The following ZNF215 variants were observed in gnomAD, a reference collection of about 807,000 sequenced individuals.
The protein encoded by ZNF215 is zinc finger protein 215.
Under a neutral mutation model 27.2 loss-of-function variants are expected in ZNF215, and 24 were observed. That is an observed-to-expected ratio of 0.88 (90% CI 0.64 to 1.24). The LOEUF (loss-of-function observed/expected upper bound fraction) is 1.24. Ranked by LOEUF, ZNF215 falls within the 50% of genes most tolerant of loss-of-function variation. The pLI is 0.00. For missense variants in ZNF215, 675 were observed against 605.7 expected (o/e 1.11, Z -1.20); for synonymous variants, 210 against 204.0 (o/e 1.03, Z -0.25).
chr11:6,943,644 A>G lies in ZNF215; in HGVS notation c.712+3A>G. Reference sequence around the variant, plus strand: ...AATACCAAGGAAGACTATTTTTGGTAAGAACCAGGTAGATATGAGGCCATA... The same window carrying G: ...AATACCAAGGAAGACTATTTTTGGTGAGAACCAGGTAGATATGAGGCCATA... On this transcript the variant is annotated splice_donor_region_variant and intron_variant, in intron 6 of 6. Transcript: ENST00000278319. 1 of 1,606,934 alleles carries G rather than the reference A, an allele frequency of 6.2e-7. No individual in the cohort carries two copies. The highest frequency in any genetic ancestry group is 8.5e-7 in the Non-Finnish European group (1 of 1,173,582).
intron 6 of ZNF215, among the ~76,000 whole-genome samples, chr11:6,950,207 G>A (rs796710928): frequency 0.054 from 6,341 of 116,598 alleles, 311 homozygotes; most frequent in Middle Eastern, 0.077. Context: ...GATTGACTTG[G>A]CGATGGGGCT....
intron 5 of ZNF215, among the ~76,000 whole-genome samples, chr11:6,974,107 A>G (rs924252990): frequency 2.0e-5 from 3 of 152,108 alleles, no homozygotes; most frequent in African/African-American, 7.2e-5. Flanking sequence ...TCAGCTTTCT[A>G]CATATGGCTA....
chr11:6,972,209 AG>A (rs1327161814), intron 5 of ZNF215, among the ~76,000 whole-genome samples: 1 of 152,128 alleles, frequency 6.6e-6, no homozygotes, highest in African/African-American at 2.4e-5. Context: ...AGAATGAGAT[AG>A]TAAATATTTT....
intron 5 of ZNF215, among the ~76,000 whole-genome samples, chr11:6,980,499 AAACT>A (rs1850925190): frequency 6.6e-6 from 1 of 152,128 alleles, no homozygotes; most frequent in South Asian, 2.1e-4. Context: ...ACAGTTTAAT[AAACT>A]AAGTGTACAA....
chr11:6,958,467 C>T (rs962339753), downstream of ZNF215, among the ~76,000 whole-genome samples: 4 of 152,154 alleles, frequency 2.6e-5, no homozygotes, highest in African/African-American at 9.7e-5. Flanking sequence ...AACATAGTTT[C>T]AAATAATAAT....
At chr11:6,955,616 T>G in intron 6 of ZNF215, 74 bp from the exon 7 acceptor site, 1 of 1,500,030 alleles carries the variant, frequency 6.7e-7, no homozygotes, top group Non-Finnish European at 8.9e-7. Flanking sequence ...TGCATATACC[T>G]TATACAGTTC....
intron 5 of ZNF215, among the ~76,000 whole-genome samples, chr11:6,979,874 T>C (rs1850911914): frequency 6.6e-6 from 1 of 152,112 alleles, no homozygotes; most frequent in South Asian, 2.1e-4. Context: ...GTGACAGCTA[T>C]AAACGTGATA....
chr11:6,952,022 GT>G (rs1455907912), intron 6 of ZNF215, among the ~76,000 whole-genome samples: 8 of 152,166 alleles, frequency 5.3e-5, no homozygotes, highest in Non-Finnish European at 1.5e-5. Context: ...AGGTTGTTTA[GT>G]TTCCATGTAG....
downstream of ZNF215, among the ~76,000 whole-genome samples, chr11:6,985,299 C>G (rs1311032317): frequency 1.3e-5 from 2 of 151,954 alleles, no homozygotes; most frequent in Non-Finnish European, 2.9e-5. Flanking sequence ...AGGAAAAAAA[C>G]TAATCTCAAT....
rs1382335568 is a variant in ZNF215 at position 6,952,758 on chromosome 11, T to G, written c.713-2932T>G. On this transcript the variant is annotated intron_variant, in intron 6 of 6. Coordinates refer to ENST00000278319, the MANE Select transcript of ZNF215 (RefSeq NM_013250.4). ...CATGTAAAGTTAATATTGTTATGTGTGAGTTTGATCCTATCATTATGATGT... is the reference window on the plus strand; with the variant it reads ...CATGTAAAGTTAATATTGTTATGTGGGAGTTTGATCCTATCATTATGATGT... Among the ~76,000 whole-genome samples the G allele has an allele frequency of 2.0e-5, 3 of 152,284 alleles. No individual in the cohort carries two copies. The South Asian group carries it at 6.2e-4, about 32-fold the overall frequency.
intron 4 of ZNF215, 81 bp from the exon 5 acceptor site, chr11:6,943,002 C>T (rs1849681607): frequency 3.9e-6 from 6 of 1,547,316 alleles, no homozygotes; most frequent in Non-Finnish European, 5.2e-6. Flanking sequence ...TGGCTCCTAC[C>T]CTATTCCTTC....
chr11:6,954,203 G>A (rs1850218557), intron 6 of ZNF215, among the ~76,000 whole-genome samples: 1 of 12,910 alleles, frequency 7.7e-5, no homozygotes, highest in African/African-American at 1.8e-4. Flanking sequence ...CCCACTTGAG[G>A]AGGCAGTCTG....
chr11:6,934,024 C>T (rs1470805000), intron 3 of ZNF215, among the ~76,000 whole-genome samples: 1 of 152,042 alleles, frequency 6.6e-6, no homozygotes, highest in East Asian at 1.9e-4. Flanking sequence ...CCTTATAAGA[C>T]ATGAGGCCAT....
rs1217907997 is a variant in ZNF215, at chr11:6,956,304, G to A, written c.1327G>A (p.Ala443Thr). ...KACTSNKCGK[A>T]FSKSEDSNNP... is the part of the protein sequence containing the mutation. ...CTGCACAAGCAATAAATGTGGAAAG[G>A]CCTTCAGTAAAAGTGAAGACAGTAA... Residue 443 changes from alanine to threonine, a missense_variant, in exon 7 of 7, where the codon GCC becomes ACC. By Grantham distance (58) the Ala-to-Thr change is moderately conservative (BLOSUM62 0). Transcript: ENST00000278319. 2 of 1,614,008 alleles carry A rather than the reference G, an allele frequency of 1.2e-6. No homozygotes were observed. The highest frequency in any genetic ancestry group is 2.7e-5 in the African/African-American group (2 of 74,924).
downstream of ZNF215, chr11:6,988,398 AG>A (rs1277463869): frequency 3.4e-6 from 1 of 296,742 alleles, no homozygotes; most frequent in Admixed American, 6.5e-5. Context: ...CTCCTTTACT[AG>A]GCTTTAATGT....
intron 5 of ZNF215, among the ~76,000 whole-genome samples, chr11:6,967,079 T>G (rs1427362045): frequency 2.0e-5 from 3 of 152,132 alleles, no homozygotes; most frequent in East Asian, 1.9e-4. Flanking sequence ...TCTGTCCTTG[T>G]GTTAGTTTGC....
At chr11:6,929,691 C>G (rs1346932150) in intron 2 of ZNF215, among the ~76,000 whole-genome samples, 1 of 152,148 alleles carries the variant, frequency 6.6e-6, no homozygotes, top group Non-Finnish European at 1.5e-5. Context: ...ATACTGCCAA[C>G]ATGACTTATC....
chr11:6,931,031 C>A (rs1564941887), intron 2 of ZNF215, among the ~76,000 whole-genome samples: 1 of 152,202 alleles, frequency 6.6e-6, no homozygotes, highest in Non-Finnish European at 1.5e-5. Flanking sequence ...AGGCCAGGTA[C>A]AATCTCTAGC....
At chr11:6,985,199 G>C (rs2131054), downstream of ZNF215, among the ~76,000 whole-genome samples, 49,797 of 151,872 alleles carry the variant, frequency 0.33, 8,612 homozygotes, top group African/African-American at 0.42. Flanking sequence ...GATAATTCAC[G>C]ATGATGAAGT....
Sources: gnomAD v4.1 joint callset for allele counts (sites outside exome capture counted in the v4.1 genomes callset) on GRCh38, gnomAD v4.1.1 for gene constraint, MANE v1.5 for transcripts, NCBI Gene and HGNC (gene_info 2026-07-23, HGNC 2026-07-21) for gene names.